The following NELL1 variants were observed in gnomAD, a reference collection of about 807,000 sequenced individuals.
NELL1 encodes neural EGFL like 1.
In NELL1, 76 loss-of-function variants were observed where a neutral mutation model predicts 107.4. That is an observed-to-expected ratio of 0.71 (90% CI 0.59 to 0.86). NELL1 has a LOEUF of 0.86. Ranked by LOEUF, NELL1 falls within the 40% of genes least tolerant of loss-of-function variation. NELL1 has a pLI of 0.00. For missense variants in NELL1, 1,024 were observed against 1,005.5 expected, an observed-to-expected ratio of 1.02 and a Z score of -0.25; for synonymous variants, 353 against 341.2, an observed-to-expected ratio of 1.03 and a Z score of -0.38.
chr11:20,685,990 C>T (rs2133859536), intron 2 of NELL1, among the ~76,000 whole-genome samples: 1 of 152,040 alleles, frequency 6.6e-6, no homozygotes, highest in Admixed American at 6.6e-5. Context: ...GTATTCAAGC[C>T]TCAGTTTCCT....
At chr11:20,865,889 C>G (rs1487622602) in intron 4 of NELL1, among the ~76,000 whole-genome samples, 3 of 152,128 alleles carry the variant, frequency 2.0e-5, no homozygotes, top group Non-Finnish European at 4.4e-5. Flanking sequence ...CCCACAGGAC[C>G]CTGACTGTTA....
chr11:21,032,924 T>A (rs1342862441), intron 12 of NELL1, among the ~76,000 whole-genome samples: 1 of 152,238 alleles, frequency 6.6e-6, no homozygotes, highest in Non-Finnish European at 1.5e-5. Context: ...AGAAGTTTCT[T>A]TAGTGAGAAC....
intron 17 of NELL1, among the ~76,000 whole-genome samples, chr11:21,565,140 TATAA>T (rs1204142099): frequency 6.6e-6 from 1 of 151,954 alleles, no homozygotes; most frequent in African/African-American, 2.4e-5. Flanking sequence ...CTAGCAGCAT[TATAA>T]ATATTTTCCT....
intron 15 of NELL1, among the ~76,000 whole-genome samples, chr11:21,527,948 A>G (rs576267168): frequency 2.5e-4 from 38 of 152,240 alleles, no homozygotes; most frequent in African/African-American, 7.7e-4. Context: ...CTCCCAGTCT[A>G]TTGACTCAAA....
chr11:20,927,994 A>C (rs1850536445), intron 8 of NELL1, among the ~76,000 whole-genome samples: 1 of 152,240 alleles, frequency 6.6e-6, no homozygotes, highest in South Asian at 2.1e-4. Context: ...AGTTGAAATT[A>C]CTTGATAAAT....
intron 9 of NELL1, among the ~76,000 whole-genome samples, chr11:20,932,273 A>G (rs922354446): frequency 2.0e-5 from 3 of 152,190 alleles, no homozygotes; most frequent in Admixed American, 2.0e-4. Flanking sequence ...TTATTTTGGT[A>G]GACAGATTTG....
chr11:20,835,773 TAACTC>T (rs1174171797), intron 3 of NELL1, among the ~76,000 whole-genome samples: 1 of 152,168 alleles, frequency 6.6e-6, no homozygotes, highest in African/African-American at 2.4e-5. Flanking sequence ...TTACATAAAT[TAACTC>T]AAAATAGATT....
chr11:20,970,217 A>T (rs1851471577), intron 12 of NELL1, among the ~76,000 whole-genome samples: 1 of 152,134 alleles, frequency 6.6e-6, no homozygotes, highest in African/African-American at 2.4e-5. Flanking sequence ...GGCATCATTT[A>T]TGTAGTTGTC....
At chr11:20,918,658 T>G (rs1364713032) in intron 6 of NELL1, among the ~76,000 whole-genome samples, 2 of 151,966 alleles carry the variant, frequency 1.3e-5, no homozygotes, top group Non-Finnish European at 2.9e-5. Flanking sequence ...CATCAGATCT[T>G]GTGAGACTTA....
chr11:21,266,390 T>C (rs1281255583), intron 14 of NELL1, among the ~76,000 whole-genome samples: 1 of 152,080 alleles, frequency 6.6e-6, no homozygotes, highest in Non-Finnish European at 1.5e-5. Flanking sequence ...TCAGGAACCT[T>C]GCACAGGCTA....
intron 13 of NELL1, among the ~76,000 whole-genome samples, chr11:21,113,973 C>T (rs1366117235): frequency 1.3e-5 from 2 of 151,866 alleles, no homozygotes; most frequent in East Asian, 3.9e-4. Flanking sequence ...GTCCCAGTTG[C>T]CAATAGTAAC....
At chr11:21,303,537 A>G (rs898440422) in intron 14 of NELL1, among the ~76,000 whole-genome samples, 15 of 152,082 alleles carry the variant, frequency 9.9e-5, no homozygotes, top group African/African-American at 1.4e-4. Flanking sequence ...TGGAGAAAAT[A>G]TAACTCTTAT....
Position 20,928,442 on chromosome 11 carries a change from A to T in NELL1, c.960A>T (p.Pro320=). The part of the protein sequence containing the change: ...PPLNCSPDSL[P]VHIAGQCCKV... ...TCAATTGCTCCCCAGACTCCCTCCC[A>T]GTGCACATTGCTGGCCAGTGCTGTA... The change falls in exon 9 of 20, where the codon CCA becomes CCT. Residue 320 remains proline (P), a synonymous_variant. Coordinates refer to ENST00000357134, the MANE Select transcript of NELL1 (RefSeq NM_006157.5). 1 of 1,614,014 alleles carries T rather than the reference A, an allele frequency of 6.2e-7. No homozygotes were observed. The highest frequency in any genetic ancestry group is 8.5e-7 in the Non-Finnish European group (1 of 1,179,946).
At chr11:21,289,457 C>G (rs1195038320) in intron 14 of NELL1, among the ~76,000 whole-genome samples, 1 of 152,158 alleles carries the variant, frequency 6.6e-6, no homozygotes, top group Non-Finnish European at 1.5e-5. Flanking sequence ...GGGACTGTGC[C>G]GTGAGGAACA....
intron 15 of NELL1, among the ~76,000 whole-genome samples, chr11:21,520,970 G>C (rs765005848): frequency 6.6e-6 from 1 of 152,214 alleles, no homozygotes; most frequent in Non-Finnish European, 1.5e-5. Flanking sequence ...GTTCAATAGA[G>C]TCCTATGGTT....
rs780060086 is a variant in NELL1 at position 20,937,841 on chromosome 11, G to T, written c.1053G>T (p.Lys351Asn). Residue 351 changes from lysine (K) to asparagine (N), a missense_variant, in exon 10 of 20, where the codon AAG becomes AAT. Coordinates refer to ENST00000357134, the MANE Select transcript of NELL1 (RefSeq NM_006157.5). ...VLAEGQRILT[K>N]SCRECRGGVL... ...CAGAAGGCCAGCGGATTTTAACCAAGAGCTGTCGGGAATGCCGAGTAAGTG... is the reference window on the plus strand; with the variant it reads ...CAGAAGGCCAGCGGATTTTAACCAATAGCTGTCGGGAATGCCGAGTAAGTG... 1.2e-5 allele frequency: 20 copies of T among 1,613,956 alleles called. No homozygotes were observed. In the South Asian group the frequency reaches 2.2e-4, roughly 18 times the overall value.
intron 2 of NELL1, among the ~76,000 whole-genome samples, chr11:20,742,400 T>G (rs1855911297): frequency 6.6e-6 from 1 of 152,150 alleles, no homozygotes; most frequent in Non-Finnish European, 1.5e-5. Flanking sequence ...TCAGGGATCT[T>G]GGCTCCCATG....
chr11:21,305,861 T>C (rs1054900753), intron 14 of NELL1, among the ~76,000 whole-genome samples: 1 of 152,000 alleles, frequency 6.6e-6, no homozygotes, highest in African/African-American at 2.4e-5. Flanking sequence ...GATTTCAAAT[T>C]TTCATAATCA....
At chr11:21,415,214 C>T (rs1852484344) in intron 15 of NELL1, among the ~76,000 whole-genome samples, 1 of 152,078 alleles carries the variant, frequency 6.6e-6, no homozygotes, top group Non-Finnish European at 1.5e-5. Context: ...TGCTCTTGCA[C>T]TTAGCAACTT....
Sources: gnomAD v4.1 joint callset for allele counts (sites outside exome capture counted in the v4.1 genomes callset) on GRCh38, gnomAD v4.1.1 for gene constraint, MANE v1.5 for transcripts, NCBI Gene and HGNC (gene_info 2026-07-23, HGNC 2026-07-21) for gene names.